The following CABIN1 variants were observed in gnomAD, a reference collection of about 807,000 sequenced individuals.
CABIN1 encodes the protein calcineurin binding protein 1.
Under a neutral mutation model 227.7 loss-of-function variants are expected in CABIN1, and 133 were observed. The observed-to-expected ratio is 0.58, with a 90% CI of 0.51 to 0.67. The LOEUF (loss-of-function observed/expected upper bound fraction) is 0.67, where lower values mean the gene tolerates loss of function less well. CABIN1 is among the 30% of genes least tolerant of loss of function. CABIN1 has a pLI of 0.00. For missense variants in CABIN1, 2,408 were observed against 2,852.5 expected, an observed-to-expected ratio of 0.84 and a Z score of 3.55; for synonymous variants, 1,086 against 1,155.1, an observed-to-expected ratio of 0.94 and a Z score of 1.21.
At chr22:24,163,899 G>A (rs1029878158) in intron 29 of CABIN1, among the ~76,000 whole-genome samples, 1 of 152,222 alleles carries the variant, frequency 6.6e-6, no homozygotes, top group Non-Finnish European at 1.5e-5. Flanking sequence ...GAGGGAGGGG[G>A]ACCCCAGGCA....
chr22:24,121,579 C>G (rs2043412810), intron 28 of CABIN1, among the ~76,000 whole-genome samples: 1 of 152,234 alleles, frequency 6.6e-6, no homozygotes, highest in African/African-American at 2.4e-5. Flanking sequence ...CCCAGGTGGA[C>G]CTGGGTCTTA....
rs756953957 is a variant in CABIN1, at chr22:24,043,032, G to C, written c.474G>C (p.Trp158Cys). The stretch of plus-strand genomic sequence containing the variant: ...GGCTGCGGTGCAATCCTGACCACTG[G>C]CCCTGTTTGGATAACCTAATCACTG... ...EEGLRCNPDH[W>C]PCLDNLITVL... The change falls in exon 6 of 37, where the codon TGG becomes TGC. Residue 158 changes from tryptophan (W) to cysteine (C), a missense_variant. Physicochemically the swap from Trp to Cys is radical, Grantham distance 215. Coordinates refer to ENST00000263119, the MANE Select transcript of CABIN1 (RefSeq NM_012295.4). 1 of 1,613,994 alleles carries C rather than the reference G, an allele frequency of 6.2e-7. No individual in the cohort carries two copies. Among genetic ancestry groups the C allele is most frequent in the Non-Finnish European group, 8.5e-7 (1 of 1,179,996 alleles).
intron 16 of CABIN1, among the ~76,000 whole-genome samples, chr22:24,067,897 G>C (rs1326910787): frequency 1.3e-5 from 2 of 152,088 alleles, no homozygotes; most frequent in African/African-American, 2.4e-5. Context: ...ATCCTCAGGA[G>C]GGTTGAGTTG....
rs894508236 is a variant in CABIN1 at position 24,035,460 on chromosome 22, G to A, written c.-58G>A. 1.5e-5 allele frequency: 25 copies of A among 1,613,030 alleles called. No homozygotes were observed. The highest frequency in any genetic ancestry group is 2.0e-5 in the Non-Finnish European group (24 of 1,179,168). ...CCTTTCTAGGAGAGTTGTGGACTGG[G>A]GCAACCTTTGCCAGTGATGAGAAGT... On this transcript the variant is annotated 5_prime_UTR_variant, in exon 2 of 37. Coordinates refer to ENST00000263119, the MANE Select transcript of CABIN1 (RefSeq NM_012295.4).
intron 9 of CABIN1, among the ~76,000 whole-genome samples, chr22:24,055,778 C>T (rs974675075): frequency 6.6e-6 from 1 of 152,018 alleles, no homozygotes; most frequent in Non-Finnish European, 1.5e-5. Flanking sequence ...TTCTATTGTC[C>T]ATATAGTTCA....
At chr22:24,028,098 A>T (rs906382291) in intron 1 of CABIN1, among the ~76,000 whole-genome samples, 1 of 152,214 alleles carries the variant, frequency 6.6e-6, no homozygotes, top group Non-Finnish European at 1.5e-5. Flanking sequence ...ACTGTACTAT[A>T]GTCTATTAAG....
At chr22:24,128,047 A>G (rs2148069666) in intron 28 of CABIN1, among the ~76,000 whole-genome samples, 1 of 152,120 alleles carries the variant, frequency 6.6e-6, no homozygotes, top group East Asian at 1.9e-4. Flanking sequence ...AGATGTTTCC[A>G]GATATTGCCA....
intron 8 of CABIN1, among the ~76,000 whole-genome samples, chr22:24,051,799 A>G (rs533665729): frequency 3.9e-5 from 6 of 152,116 alleles, no homozygotes; most frequent in Admixed American, 2.6e-4. Context: ...TAGGGTTGTC[A>G]TGATAATGAC....
At chr22:24,126,989 ACT>A (rs1569253611) in intron 28 of CABIN1, among the ~76,000 whole-genome samples, 2 of 145,906 alleles carry the variant, frequency 1.4e-5, no homozygotes, top group Non-Finnish European at 3.0e-5. Flanking sequence ...ACACAGCAAG[ACT>A]CTGTCTCAAA....
At chr22:24,098,248 G>A in intron 26 of CABIN1, 56 bp downstream of exon 26, 3 of 1,612,184 alleles carry the variant, frequency 1.9e-6, no homozygotes, top group Non-Finnish European at 2.5e-6. Flanking sequence ...ATCACGGGGG[G>A]GTGCTCGGAC....
intron 1 of CABIN1, among the ~76,000 whole-genome samples, chr22:24,034,791 T>C (rs2036748916): frequency 6.6e-6 from 1 of 152,266 alleles, no homozygotes; most frequent in Non-Finnish European, 1.5e-5. Context: ...TTCAGACTAG[T>C]CTGCCTATCT....
intron 33 of CABIN1, chr22:24,170,079 G>T: frequency 2.2e-6 from 1 of 454,170 alleles, no homozygotes. Context: ...GGAGGGGAGT[G>T]GCAGGGAGGA....
At chr22:24,145,229 G>A (rs532551599) in intron 29 of CABIN1, among the ~76,000 whole-genome samples, 81 of 152,230 alleles carry the variant, frequency 5.3e-4, no homozygotes, top group African/African-American at 1.8e-3. Context: ...ATTGAGGAGC[G>A]TCTTCCAGGT....
At chr22:24,153,598 C>T (rs553450803) in intron 29 of CABIN1, among the ~76,000 whole-genome samples, 2 of 152,308 alleles carry the variant, frequency 1.3e-5, no homozygotes, top group African/African-American at 2.4e-5. Context: ...CAGGGTAAGG[C>T]TCAGCTTAGT....
chr22:24,031,567 C>A (rs186277240), intron 1 of CABIN1, among the ~76,000 whole-genome samples: 3 of 152,142 alleles, frequency 2.0e-5, no homozygotes, highest in Non-Finnish European at 4.4e-5. Flanking sequence ...GAAAAAAAAT[C>A]GACCAATGGG....
intron 29 of CABIN1, among the ~76,000 whole-genome samples, chr22:24,151,805 C>T (rs1196525905): frequency 2.0e-5 from 3 of 152,202 alleles, no homozygotes; most frequent in Non-Finnish European, 4.4e-5. Flanking sequence ...CACGCACCCC[C>T]TTTGCATGCA....
chr22:24,013,721 C>T lies in CABIN1; in HGVS notation c.-75+2354C>T, dbSNP rs182772681. 7.9e-5 allele frequency among the ~76,000 whole-genome samples: 12 copies of T among 152,276 alleles called. No homozygotes were observed. In the East Asian group the frequency reaches 2.3e-3, roughly 29 times the overall value. ...TTAAGGTTGTGTTTTCATTCCAGGA[C>T]CCTATCCAAGATCCCATGTTGCATT... On this transcript the variant is annotated intron_variant, in intron 1 of 36. Coordinates refer to ENST00000263119, the MANE Select transcript of CABIN1 (RefSeq NM_012295.4).
Position 24,178,358 on chromosome 22 carries a change from C to G in CABIN1, c.*162C>G. On this transcript the variant is annotated 3_prime_UTR_variant, in exon 37 of 37. Transcript: ENST00000263119. ...CTCCTCATGGCATCCTCCCTGTACC[C>G]AGGTCAGGCTGTCCACACCACATGG... 1 of 850,296 alleles carries G rather than the reference C, an allele frequency of 1.2e-6. No individual in the cohort carries two copies. Among genetic ancestry groups the G allele is most frequent in the Non-Finnish European group, 1.8e-6 (1 of 551,610 alleles). The allele number at this position is 850,296 out of a possible 1,614,324, so 52.7% of individuals were successfully genotyped here. A position where few individuals can be genotyped will look rare whatever the true frequency, so the allele number is the denominator to read the frequency against.
At chr22:24,146,464 G>A (rs1454072889) in intron 29 of CABIN1, among the ~76,000 whole-genome samples, 1 of 152,146 alleles carries the variant, frequency 6.6e-6, no homozygotes, top group Non-Finnish European at 1.5e-5. Flanking sequence ...CGCCCTGTCT[G>A]GGGAGGGGCA....
Sources: gnomAD v4.1 joint callset for allele counts (sites outside exome capture counted in the v4.1 genomes callset) on GRCh38, gnomAD v4.1.1 for gene constraint, MANE v1.5 for transcripts, NCBI Gene and HGNC (gene_info 2026-07-23, HGNC 2026-07-21) for gene names.